The following HAPLN1 variants were observed in gnomAD, a reference collection of about 807,000 sequenced individuals.
The protein encoded by HAPLN1 is hyaluronan and proteoglycan link protein 1.
Under a neutral mutation model 36.5 loss-of-function variants are expected in HAPLN1, and 13 were observed. That is an observed-to-expected ratio of 0.36 (90% CI 0.23 to 0.57). HAPLN1 has a LOEUF of 0.57. Among genes scored for constraint, HAPLN1 ranks in the 20% least tolerant of loss-of-function variants. The pLI is 0.83. For missense variants in HAPLN1, 407 were observed against 439.7 expected (o/e 0.93, Z 0.66); for synonymous variants, 202 against 169.8 (o/e 1.19, Z -1.48).
At chr5:83,687,679 C>T (rs1455468296) in intron 1 of HAPLN1, among the ~76,000 whole-genome samples, 2 of 152,142 alleles carry the variant, frequency 1.3e-5, no homozygotes, top group African/African-American at 2.4e-5. Context: ...AGCACATATG[C>T]TGAAAAAATT....
At chr5:83,712,555 T>A (rs188711022) in intron 1 of HAPLN1, among the ~76,000 whole-genome samples, 1 of 152,196 alleles carries the variant, frequency 6.6e-6, no homozygotes, top group African/African-American at 2.4e-5. Flanking sequence ...AAAATTTTAT[T>A]TAGATCATCT....
At chr5:83,662,956 AT>A (rs1561307329) in intron 2 of HAPLN1, among the ~76,000 whole-genome samples, 1 of 152,242 alleles carries the variant, frequency 6.6e-6, no homozygotes, top group Admixed American at 6.5e-5. Flanking sequence ...AGGAACTTTG[AT>A]TTTTTTATCT....
chr5:83,679,371 A>G (rs1208585292), intron 1 of HAPLN1, among the ~76,000 whole-genome samples: 1 of 152,146 alleles, frequency 6.6e-6, no homozygotes, highest in African/African-American at 2.4e-5. Flanking sequence ...TGCATTCTTA[A>G]ATTTACGAAA....
intron 2 of HAPLN1, among the ~76,000 whole-genome samples, chr5:83,656,156 C>T (rs1223305618): frequency 2.0e-5 from 3 of 151,738 alleles, no homozygotes; most frequent in Non-Finnish European, 2.9e-5. Context: ...GGTGAAACCC[C>T]GTCTCAACTA....
At chr5:83,714,715 A>G (rs1041595442) in intron 1 of HAPLN1, among the ~76,000 whole-genome samples, 2 of 152,208 alleles carry the variant, frequency 1.3e-5, no homozygotes, top group African/African-American at 2.4e-5. Flanking sequence ...TGGACCAAGT[A>G]TGTGGATTCT....
intron 2 of HAPLN1, among the ~76,000 whole-genome samples, chr5:83,659,764 T>G (rs530806289): frequency 9.9e-5 from 15 of 152,282 alleles, no homozygotes; most frequent in Admixed American, 2.0e-4. Flanking sequence ...TCTTTAAACA[T>G]GTATTTAAAA....
intron 1 of HAPLN1, among the ~76,000 whole-genome samples, chr5:83,694,530 GAT>G (rs1323350511): frequency 1.3e-5 from 2 of 151,694 alleles, no homozygotes; most frequent in East Asian, 1.9e-4. Flanking sequence ...AAATATAAAA[GAT>G]ATGAATTATC....
chr5:83,704,185 T>A lies in HAPLN1; in HGVS notation c.-27+16604A>T, dbSNP rs566936370. Among the ~76,000 whole-genome samples, 10 of 152,008 alleles carry A rather than the reference T, an allele frequency of 6.6e-5. No individual in the cohort carries two copies. In the East Asian group the frequency reaches 1.7e-3, roughly 27 times the overall value. ...CTTCCTAAGTGAAGAAGAAATAAGA[T>A]CTTTTTCAGATATGCAAATGTTTAG... On this transcript the variant is annotated intron_variant, in intron 1 of 4. Coordinates refer to ENST00000274341, the MANE Select transcript of HAPLN1 (RefSeq NM_001884.4).
intron 1 of HAPLN1, among the ~76,000 whole-genome samples, chr5:83,714,805 C>T (rs1049938038): frequency 3.3e-5 from 5 of 152,196 alleles, no homozygotes; most frequent in African/African-American, 4.8e-5. Context: ...GCTATGGATG[C>T]GCTACCTGTC....
intron 3 of HAPLN1, among the ~76,000 whole-genome samples, chr5:83,651,308 C>T (rs538873428): frequency 9.9e-5 from 15 of 152,246 alleles, no homozygotes; most frequent in South Asian, 8.3e-4. Context: ...CCTTCCATGC[C>T]CCTTTGATAA....
chr5:83,705,960 C>A (rs1048302893), intron 1 of HAPLN1, among the ~76,000 whole-genome samples: 1 of 151,920 alleles, frequency 6.6e-6, no homozygotes, highest in South Asian at 2.1e-4. Context: ...CACCTCTATG[C>A]ACACAAACTA....
intron 3 of HAPLN1, 37 bp from the exon 4 acceptor site, chr5:83,644,702 C>A: frequency 1.5e-6 from 2 of 1,370,282 alleles, no homozygotes; most frequent in South Asian, 2.0e-5. Flanking sequence ...GTTAGAAGCC[C>A]CAAAACTAAC....
intron 3 of HAPLN1, among the ~76,000 whole-genome samples, chr5:83,647,818 C>T (rs374524877): frequency 9.2e-5 from 14 of 152,200 alleles, no homozygotes; most frequent in South Asian, 6.2e-4. Flanking sequence ...GTAAATATTT[C>T]TAGTCATAAA....
chr5:83,674,664 T>A (rs1750819701), intron 1 of HAPLN1: 2 of 152,212 alleles, frequency 1.3e-5, no homozygotes, highest in South Asian at 4.1e-4. Flanking sequence ...CGGCTATTTT[T>A]AAAACTGAAA....
chr5:83,705,144 C>CTT (rs1463258380), intron 1 of HAPLN1, among the ~76,000 whole-genome samples: 1 of 152,068 alleles, frequency 6.6e-6, no homozygotes, highest in Non-Finnish European at 1.5e-5. Context: ...AATCCCAGCA[C>CTT]TTTGGGAGGC....
At position 83,641,435 on chromosome 5, in the gene HAPLN1, A is replaced by G. The variant is rs1749689933; in HGVS notation, c.*61T>C. ...TAACTTGCATGAGTTCATATTGGAAAAAAAAAACACCTTTCACATGTTCTT... is the reference window on the plus strand; with the variant it reads ...TAACTTGCATGAGTTCATATTGGAAGAAAAAAACACCTTTCACATGTTCTT... On this transcript the variant is annotated 3_prime_UTR_variant, in exon 5 of 5. Coordinates refer to ENST00000274341, the MANE Select transcript of HAPLN1 (RefSeq NM_001884.4). The G allele has an allele frequency of 2.0e-6, 3 of 1,484,844 alleles. No individual in the cohort carries two copies. Among genetic ancestry groups the G allele is most frequent in the Middle Eastern group, 1.8e-4 (1 of 5,436 alleles). 92.0% of individuals were successfully genotyped at this position (1,484,844 alleles called of 1,614,324 possible). A position where few individuals can be genotyped will look rare whatever the true frequency, so the allele number is the denominator to read the frequency against.
chr5:83,680,378 C>T (rs1000544023), intron 1 of HAPLN1, among the ~76,000 whole-genome samples: 1 of 152,144 alleles, frequency 6.6e-6, no homozygotes, highest in East Asian at 1.9e-4. Context: ...GAAAGCAGTA[C>T]ATATATATAC....
chr5:83,651,181 A>T (rs997539002), intron 3 of HAPLN1, among the ~76,000 whole-genome samples: 6 of 152,206 alleles, frequency 3.9e-5, no homozygotes, highest in Admixed American at 2.6e-4. Flanking sequence ...GTAACAACAG[A>T]TAATAGAATT....
At chr5:83,654,988 CTG>C (rs1456188517) in intron 2 of HAPLN1, among the ~76,000 whole-genome samples, 3 of 152,232 alleles carry the variant, frequency 2.0e-5, no homozygotes, top group Non-Finnish European at 4.4e-5. Flanking sequence ...AACTACTAAA[CTG>C]TTCCTACTGC....
Sources: allele counts gnomAD v4.1 joint callset (sites outside exome capture counted in the v4.1 genomes callset), GRCh38; gene constraint gnomAD v4.1.1; transcripts MANE v1.5; gene names NCBI Gene and HGNC (gene_info 2026-07-23, HGNC 2026-07-21).